TENM4: variants seen among roughly 807,000 people sequenced by gnomAD.
TENM4 encodes teneurin transmembrane protein 4, also known as teneurin-4.
Under a neutral mutation model 243.3 loss-of-function variants are expected in TENM4, and 82 were observed. That is an observed-to-expected ratio of 0.34 (90% CI 0.28 to 0.40). TENM4 has a LOEUF of 0.40. TENM4 is among the 10% of genes least tolerant of loss of function. The pLI is 1.00. For missense variants in TENM4, 3,138 were observed against 3,673.3 expected, an observed-to-expected ratio of 0.85 and a Z score of 3.77; for synonymous variants, 1,412 against 1,456.3, an observed-to-expected ratio of 0.97 and a Z score of 0.69.
chr11:79,430,882 T>C (rs778267984), intron 1 of TENM4, among the ~76,000 whole-genome samples: 10 of 152,138 alleles, frequency 6.6e-5, no homozygotes, highest in Admixed American at 1.3e-4. Context: ...GTTTTAACAT[T>C]AGAAAGAACA....
chr11:79,408,312 A>T (rs888700535), intron 1 of TENM4, among the ~76,000 whole-genome samples: 2 of 152,196 alleles, frequency 1.3e-5, no homozygotes, highest in African/African-American at 2.4e-5. Context: ...CATTTCTAAC[A>T]AGCTCCCAGG....
intron 2 of TENM4, among the ~76,000 whole-genome samples, chr11:79,254,453 T>G (rs778662538): frequency 2.0e-5 from 3 of 152,172 alleles, no homozygotes; most frequent in Non-Finnish European, 4.4e-5. Context: ...ACACTTTCTT[T>G]TACGGAAGAA....
chr11:79,264,184 T>C (rs1485994168), intron 2 of TENM4, among the ~76,000 whole-genome samples: 3 of 152,164 alleles, frequency 2.0e-5, no homozygotes, highest in Admixed American at 2.0e-4. Context: ...CTCACTGAGA[T>C]ACCACGGGAG....
chr11:79,081,099 A>G (rs1860658937), intron 4 of TENM4, among the ~76,000 whole-genome samples: 2 of 152,174 alleles, frequency 1.3e-5, no homozygotes, highest in South Asian at 4.1e-4. Context: ...GAAATGGTGA[A>G]ACTTAGTTTT....
chr11:78,856,318 A>ACCCCGG, intron 10 of TENM4, 140 bp from the exon 11 acceptor site: 1 of 736,224 alleles, frequency 1.4e-6, no homozygotes, highest in South Asian at 2.0e-5. Flanking sequence ...CTTCCTCCCC[A>ACCCCGG]CCCTGGCCCT....
intron 30 of TENM4, among the ~76,000 whole-genome samples, chr11:78,673,044 G>A (rs1858374320): frequency 6.6e-6 from 1 of 151,788 alleles, no homozygotes; most frequent in African/African-American, 2.4e-5. Flanking sequence ...CTGCCTGTGG[G>A]CCGAATGGGG....
intron 9 of TENM4, among the ~76,000 whole-genome samples, chr11:78,869,913 T>C (rs1859081414): frequency 6.6e-6 from 1 of 152,204 alleles, no homozygotes; most frequent in African/African-American, 2.4e-5. Context: ...GGACAAAGCA[T>C]GGGCCCCCAT....
intron 2 of TENM4, among the ~76,000 whole-genome samples, chr11:79,224,826 C>T (rs907528572): frequency 6.6e-6 from 1 of 152,116 alleles, no homozygotes; most frequent in Non-Finnish European, 1.5e-5. Context: ...TGGCGCATGC[C>T]TGTAATCTCA....
At chr11:79,215,664 A>T in intron 3 of TENM4, 144 bp downstream of exon 3, 1 of 716,866 alleles carries the variant, frequency 1.4e-6, no homozygotes, top group Non-Finnish European at 1.7e-6. Context: ...CTCTGGCCAG[A>T]ACTCCTCTAC....
chr11:78,824,702 CA>C (rs59479534), intron 12 of TENM4, among the ~76,000 whole-genome samples: 152,204 of 152,204 alleles, frequency 1, 76,102 homozygotes, highest in Non-Finnish European at 1. Flanking sequence ...GGGGTTTCAC[CA>C]ATGTTGCCCA....
At chr11:78,818,984 A>C (rs1008897322) in intron 12 of TENM4, among the ~76,000 whole-genome samples, 1 of 150,690 alleles carries the variant, frequency 6.6e-6, no homozygotes, top group Non-Finnish European at 1.5e-5. Context: ...AAAATACATG[A>C]TTTTCAGGAA....
At chr11:78,764,733 A>G (rs1269064076) in intron 18 of TENM4, among the ~76,000 whole-genome samples, 1 of 152,212 alleles carries the variant, frequency 6.6e-6, no homozygotes, top group Non-Finnish European at 1.5e-5. Flanking sequence ...CTGGATGCTC[A>G]GGAATAAAAG....
At chr11:79,063,815 C>T (rs1166618162) in intron 6 of TENM4, among the ~76,000 whole-genome samples, 2 of 152,188 alleles carry the variant, frequency 1.3e-5, no homozygotes, top group Non-Finnish European at 2.9e-5. Flanking sequence ...CCTCCCACAG[C>T]CTCTCTCAGG....
At chr11:79,006,095 C>G (rs1858476198) in intron 6 of TENM4, among the ~76,000 whole-genome samples, 1 of 152,198 alleles carries the variant, frequency 6.6e-6, no homozygotes, top group Non-Finnish European at 1.5e-5. Context: ...ACATGGCCTA[C>G]AGTAGCCAGG....
rs371427024 is a variant in TENM4, at chr11:78,812,293, C to T, written c.1807G>A (p.Gly603Arg). The part of the protein sequence containing the change: ...GRASCPVLCS[G>R]NGQYMKGRCL... Reference sequence around the variant, plus strand: ...CTGCCTTTCATGTATTGGCCATTTCCGCTACAGAGCACGGGGCAGGAGGCT... The same window carrying T: ...CTGCCTTTCATGTATTGGCCATTTCTGCTACAGAGCACGGGGCAGGAGGCT... Residue 603 changes from glycine (G) to arginine (R), a missense_variant, in exon 14 of 34, where the codon GGA (glycine) becomes AGA (arginine). Coordinates refer to ENST00000278550, the MANE Select transcript of TENM4 (RefSeq NM_001098816.3). The T allele has an allele frequency of 2.7e-5, 42 of 1,551,686 alleles. No homozygotes were observed. Among genetic ancestry groups the T allele is most frequent in the Middle Eastern group, 1.7e-4 (1 of 6,014 alleles).
At chr11:79,145,081 A>G (rs1040934683) in intron 4 of TENM4, among the ~76,000 whole-genome samples, 5 of 135,922 alleles carry the variant, frequency 3.7e-5, no homozygotes, top group Non-Finnish European at 8.6e-5. Flanking sequence ...ATAAAAACTA[A>G]AAATTAAAAA....
At chr11:78,924,122 T>C (rs1464417609) in intron 6 of TENM4, among the ~76,000 whole-genome samples, 1 of 152,240 alleles carries the variant, frequency 6.6e-6, no homozygotes. Context: ...CCCAAAGTGC[T>C]GGGATTACAG....
chr11:79,106,051 A>G (rs1316463020), intron 4 of TENM4, among the ~76,000 whole-genome samples: 1 of 152,278 alleles, frequency 6.6e-6, no homozygotes, highest in Non-Finnish European at 1.5e-5. Flanking sequence ...TCTAGTCACC[A>G]CGCTAATGTC....
chr11:79,068,242 C>T (rs1860316127), intron 5 of TENM4: 1 of 152,212 alleles, frequency 6.6e-6, no homozygotes, highest in African/African-American at 2.4e-5. Context: ...TCAAGTGTTT[C>T]ATTTATAGTT....
Sources: gnomAD v4.1 joint callset for allele counts (sites outside exome capture counted in the v4.1 genomes callset) on GRCh38, gnomAD v4.1.1 for gene constraint, MANE v1.5 for transcripts, NCBI Gene and HGNC (gene_info 2026-07-23, HGNC 2026-07-21) for gene names.